The following SNX29 variants were observed in gnomAD, a reference collection of about 807,000 sequenced individuals.
SNX29 encodes the protein sorting nexin-29.
A neutral mutation model predicts 102.1 loss-of-function variants in SNX29; 78 were observed. The ratio of observed to expected loss-of-function variants is 0.76; its 90% CI spans 0.64 to 0.92. The LOEUF (loss-of-function observed/expected upper bound fraction) is 0.92. SNX29 is among the 40% of genes least tolerant of loss of function. The pLI is 0.00. For missense variants in SNX29, 1,280 were observed against 1,061.7 expected (o/e 1.21, Z -2.86); for synonymous variants, 580 against 414.5 (o/e 1.40, Z -4.85).
intron 20 of SNX29, chr16:12,545,458 GA>G (rs941117371): frequency 2.0e-5 from 3 of 152,242 alleles, no homozygotes; most frequent in African/African-American, 7.2e-5. Flanking sequence ...CTTGTGGACG[GA>G]TAGGATGCCA....
At chr16:11,989,771 C>A (rs17816981) in intron 1 of SNX29, among the ~76,000 whole-genome samples, 1 of 152,150 alleles carries the variant, frequency 6.6e-6, no homozygotes, top group South Asian at 2.1e-4. Context: ...ATTACATCAG[C>A]GCTATGGCAG....
At chr16:12,455,502 C>A (rs8058292) in intron 18 of SNX29, among the ~76,000 whole-genome samples, 39,964 of 152,172 alleles carry the variant, frequency 0.26, 5,902 homozygotes, top group South Asian at 0.41. Context: ...AGTCCTCTTT[C>A]TCCCCACATT....
At position 12,461,792 on chromosome 16, in the gene SNX29, A is replaced by G. The variant is rs527932086; in HGVS notation, c.2038-15927A>G. On this transcript the variant is annotated intron_variant, in intron 18 of 20. Transcript: ENST00000566228. ...GCTAACATGGTGAAACCCTGTCTCTACTAAAAATACAAAATTAGCCGGGCA... is the reference window on the plus strand; with the variant it reads ...GCTAACATGGTGAAACCCTGTCTCTGCTAAAAATACAAAATTAGCCGGGCA... 2.0e-5 allele frequency among the ~76,000 whole-genome samples: 3 copies of G among 150,456 alleles called. No homozygotes were observed. In the East Asian group the frequency reaches 5.9e-4, roughly 30 times the overall value.
chr16:12,242,367 A>ATT (rs869193950), intron 14 of SNX29, among the ~76,000 whole-genome samples: 5 of 141,614 alleles, frequency 3.5e-5, no homozygotes, highest in African/African-American at 1.3e-4. Flanking sequence ...ATATATATAT[A>ATT]TTTTTTTTTT....
intron 18 of SNX29, among the ~76,000 whole-genome samples, chr16:12,414,301 G>C (rs968775380): frequency 2.6e-5 from 4 of 152,184 alleles, no homozygotes; most frequent in African/African-American, 9.7e-5. Context: ...TTGAGCCCAG[G>C]AGATCGAGGC....
chr16:12,128,696 A>G (rs992352503), intron 12 of SNX29, among the ~76,000 whole-genome samples: 1 of 151,804 alleles, frequency 6.6e-6, no homozygotes, highest in African/African-American at 2.4e-5. Context: ...CAAGTGATCC[A>G]CCCGCCTTGG....
At chr16:12,076,078 C>A (rs559514660) in intron 10 of SNX29, among the ~76,000 whole-genome samples, 1 of 152,216 alleles carries the variant, frequency 6.6e-6, no homozygotes, top group Non-Finnish European at 1.5e-5. Flanking sequence ...TCACCCCTTT[C>A]CTTGAACAGG....
chr16:12,550,508 C>G (rs559526456), intron 20 of SNX29, among the ~76,000 whole-genome samples: 15 of 145,310 alleles, frequency 1.0e-4, no homozygotes, highest in African/African-American at 3.1e-4. Context: ...ACATTCCAGT[C>G]TGGGAGACAC....
chr16:12,413,049 G>A (rs376849878), intron 18 of SNX29, among the ~76,000 whole-genome samples: 3 of 152,162 alleles, frequency 2.0e-5, no homozygotes, highest in South Asian at 4.1e-4. Context: ...ATGTTGTCAC[G>A]TTTGCTCATC....
intron 4 of SNX29, among the ~76,000 whole-genome samples, chr16:12,042,281 C>G (rs2049912730): frequency 6.6e-6 from 1 of 152,176 alleles, no homozygotes; most frequent in Non-Finnish European, 1.5e-5. Context: ...TCCACCACAT[C>G]AGCCTCCCAA....
chr16:12,264,518 A>C lies in SNX29; in HGVS notation c.1679-13415A>C, dbSNP rs151287683. On this transcript the variant is annotated intron_variant, in intron 14 of 20. Transcript: ENST00000566228. ...TCCACAGGGCCGGGTGCTGTGGCTCACGTTTGTAATCCCAGCACTTTGGGA... is the reference window on the plus strand; with the variant it reads ...TCCACAGGGCCGGGTGCTGTGGCTCCCGTTTGTAATCCCAGCACTTTGGGA... Among the ~76,000 whole-genome samples the C allele has an allele frequency of 5.2e-3, 791 of 152,328 alleles. 7 individuals are homozygous for C. The highest frequency in any genetic ancestry group is 0.017 in the African/African-American group (722 of 41,580).
At chr16:12,270,292 A>G (rs1050891128) in intron 14 of SNX29, among the ~76,000 whole-genome samples, 5 of 152,214 alleles carry the variant, frequency 3.3e-5, no homozygotes, top group Admixed American at 6.5e-5. Context: ...GTCACAATTG[A>G]TTCTTTACGA....
intron 13 of SNX29, among the ~76,000 whole-genome samples, chr16:12,139,484 T>TGACTGTCACTTGGTATGAGTGTCA (rs1567241909): frequency 6.6e-6 from 1 of 152,242 alleles, no homozygotes; most frequent in Non-Finnish European, 1.5e-5. Flanking sequence ...GTGGGGCCAG[T>TGACTGTCACTTGGTATGAGTGTCA]GACTGTCACT....
chr16:12,151,481 T>C (rs1334176575), intron 13 of SNX29, among the ~76,000 whole-genome samples: 1 of 152,146 alleles, frequency 6.6e-6, no homozygotes, highest in Non-Finnish European at 1.5e-5. Context: ...AAAAAGAATA[T>C]CCACCCTTCT....
intron 20 of SNX29, among the ~76,000 whole-genome samples, chr16:12,559,174 T>TG (rs2141450636): frequency 6.6e-6 from 1 of 152,190 alleles, no homozygotes; most frequent in African/African-American, 2.4e-5. Flanking sequence ...CCATAGCCTG[T>TG]TAGGTACTGG....
At chr16:12,421,839 C>G (rs2084882806) in intron 18 of SNX29, among the ~76,000 whole-genome samples, 1 of 151,876 alleles carries the variant, frequency 6.6e-6, no homozygotes, top group Non-Finnish European at 1.5e-5. Context: ...AGCCATGCAT[C>G]ACCATCACCA....
At chr16:12,268,089 C>T (rs1396328492) in intron 14 of SNX29, among the ~76,000 whole-genome samples, 2 of 152,236 alleles carry the variant, frequency 1.3e-5, no homozygotes, top group Non-Finnish European at 2.9e-5. Flanking sequence ...AGTCTCTGCT[C>T]AGACAGCTCC....
intron 4 of SNX29, chr16:12,027,813 C>G (rs1441602721): frequency 5.9e-6 from 1 of 168,544 alleles, no homozygotes; most frequent in Non-Finnish European, 1.3e-5. Context: ...TCTTCCATAC[C>G]AGCAACAGAA....
intron 13 of SNX29, among the ~76,000 whole-genome samples, chr16:12,181,555 G>C (rs1369162503): frequency 1.3e-5 from 2 of 152,202 alleles, no homozygotes; most frequent in African/African-American, 4.8e-5. Context: ...GCAGTTCCCA[G>C]CTTGACTTTT....
Sources: allele counts gnomAD v4.1 joint callset (sites outside exome capture counted in the v4.1 genomes callset), GRCh38; gene constraint gnomAD v4.1.1; transcripts MANE v1.5; gene names NCBI Gene and HGNC (gene_info 2026-07-23, HGNC 2026-07-21).